The following PKD1L1 variants were observed in gnomAD, a reference collection of about 807,000 sequenced individuals.
The protein encoded by PKD1L1 is polycystin 1 like 1, transient receptor potential channel interacting, also known as polycystin-1-like protein 1.
In PKD1L1, 236 loss-of-function variants were observed where a neutral mutation model predicts 323.4. That is an observed-to-expected ratio of 0.73 (90% confidence interval 0.66 to 0.81). PKD1L1 has a LOEUF of 0.81. Ranked by LOEUF, PKD1L1 falls within the 40% of genes least tolerant of loss-of-function variation. The probability of loss-of-function intolerance (pLI) is 0.00; values close to 1 mark genes in which losing one functional copy is unlikely to be tolerated. For synonymous variants in PKD1L1, 1,344 were observed against 1,335.0 expected (o/e 1.01, Z -0.15); for missense variants, 3,320 against 3,508.0 (o/e 0.95, Z 1.35).
At chr7:47,884,538 C>A (rs1786638588) in intron 19 of PKD1L1, 60 bp downstream of exon 19, 7 of 1,467,666 alleles carry the variant, frequency 4.8e-6, no homozygotes, top group Non-Finnish European at 6.7e-6. Flanking sequence ...ATCCAGATTG[C>A]AGAAAGGCTG....
intron 45 of PKD1L1, among the ~76,000 whole-genome samples, chr7:47,822,610 A>AC (rs1462255471): frequency 6.6e-6 from 1 of 151,330 alleles, no homozygotes; most frequent in East Asian, 1.9e-4. Flanking sequence ...AAAAAAAAAA[A>AC]AAAAAAAAAC....
chr7:47,943,163 A>AAAAAT (rs1554417311), intron 2 of PKD1L1, among the ~76,000 whole-genome samples: 1 of 34,144 alleles, frequency 2.9e-5, no homozygotes, highest in Non-Finnish European at 5.7e-5. Context: ...AAAAAAAAAA[A>AAAAAT]ATATATATAT....
At chr7:47,792,930 C>T in intron 55 of PKD1L1, 133 bp from the exon 56 acceptor site, 2 of 818,734 alleles carry the variant, frequency 2.4e-6, no homozygotes, top group Non-Finnish European at 3.7e-6. Context: ...CTGACTCTGC[C>T]TGCAGTTAGA....
intron 36 of PKD1L1, among the ~76,000 whole-genome samples, chr7:47,837,477 T>G (rs533211212): frequency 6.6e-6 from 1 of 152,354 alleles, no homozygotes; most frequent in East Asian, 1.9e-4. Context: ...TGGCACATGC[T>G]TCTCCGAGCT....
At chr7:47,791,236 G>C (rs995292773) in intron 56 of PKD1L1, among the ~76,000 whole-genome samples, 2 of 151,918 alleles carry the variant, frequency 1.3e-5, no homozygotes, top group Non-Finnish European at 1.5e-5. Flanking sequence ...CATTCTTCCT[G>C]GTCTGATTTC....
chr7:47,954,689 C>A, the PKD1L1 span, among the ~76,000 whole-genome samples: 11 of 152,338 alleles, frequency 7.2e-5, 1 homozygote, highest in East Asian at 1.9e-4. Flanking sequence ...TAAATGCTCA[C>A]ATTTTACGCT....
intron 56 of PKD1L1, 117 bp downstream of exon 56, chr7:47,792,510 C>G: frequency 9.5e-7 from 1 of 1,051,678 alleles, no homozygotes; most frequent in Non-Finnish European, 1.4e-6. Flanking sequence ...AGTATGATAT[C>G]TAAAGAATAT....
At position 47,894,079 on chromosome 7, in the gene PKD1L1, C is replaced by G. The variant is rs985396579; in HGVS notation, c.2272-20G>C. 6.5e-7 allele frequency: 1 copy of G among 1,528,066 alleles called. No individual in the cohort carries two copies. Among genetic ancestry groups the G allele is most frequent in the African/African-American group, 1.4e-5 (1 of 72,088 alleles). The allele number at this position is 1,528,066 out of a possible 1,614,324, so 94.7% of individuals were successfully genotyped here. A position where few individuals can be genotyped will look rare whatever the true frequency, so the allele number is the denominator to read the frequency against. ...CTGAACCTGCAGGGGCAAGGAAGGA[C>G]AGGGGATGTCATGCAGGGACAAGGC... On this transcript the variant is annotated intron_variant, in intron 14 of 56. Coordinates refer to ENST00000289672, the MANE Select transcript of PKD1L1 (RefSeq NM_138295.5).
chr7:47,789,566 G>C (rs1258429676), intron 56 of PKD1L1, among the ~76,000 whole-genome samples: 1 of 152,130 alleles, frequency 6.6e-6, no homozygotes, highest in Non-Finnish European at 1.5e-5. Flanking sequence ...GTGTGTGTCT[G>C]TGTGTATATT....
In PKD1L1 at chr7:47,915,727, AG is replaced by A. The variant is rs1251128502; in HGVS notation, c.1061-129del. ...TAATGAAAATTTACCCAACCAATTA[AG>A]GAAGGAAAAAGAAATACAACGAAAT... On this transcript the variant is annotated intron_variant, in intron 7 of 56. Transcript: ENST00000289672. 5.3e-6 allele frequency: 3 copies of A among 568,802 alleles called. No homozygotes were observed. The East Asian group carries it at 9.1e-5, about 17-fold the overall frequency. 35.2% of individuals were successfully genotyped at this position (568,802 alleles called of 1,614,324 possible). A position where few individuals can be genotyped will look rare whatever the true frequency, so the allele number is the denominator to read the frequency against.
chr7:47,845,180 T>C, intron 32 of PKD1L1, 102 bp from the exon 33 acceptor site: 1 of 905,326 alleles, frequency 1.1e-6, no homozygotes. Flanking sequence ...GAAGAAAGAG[T>C]GCAATAATGA....
At chr7:47,845,859 G>A (rs1014746750) in intron 32 of PKD1L1, among the ~76,000 whole-genome samples, 1 of 152,190 alleles carries the variant, frequency 6.6e-6, no homozygotes, top group African/African-American at 2.4e-5. Context: ...GAGATTACAG[G>A]CATGAGCCAC....
chr7:47,824,256 G>T (rs1785200270), intron 45 of PKD1L1, among the ~76,000 whole-genome samples: 1 of 152,102 alleles, frequency 6.6e-6, no homozygotes, highest in Non-Finnish European at 1.5e-5. Flanking sequence ...AAACCCACAT[G>T]ATTCCATACC....
Position 47,894,009 on chromosome 7 carries a change from C to A in PKD1L1, c.2322G>T (p.Glu774Asp). 1.2e-6 allele frequency: 2 copies of A among 1,609,958 alleles called. No homozygotes were observed. Among genetic ancestry groups the A allele is most frequent in the Non-Finnish European group, 1.7e-6 (2 of 1,178,004 alleles). ...VVYSNYCVGL[E>D]VRAQAPVSVI... ...CACTGACAGGGGCCTGGGCTCGCAC[C>A]TCCAGGCCCACACAGTAGTTGCTGT... The change falls in exon 15 of 57, where the codon GAG becomes GAT. Residue 774 changes from glutamate (E) to aspartate (D), a missense_variant. Transcript: ENST00000289672.
intron 26 of PKD1L1, among the ~76,000 whole-genome samples, chr7:47,861,595 A>T (rs988653379): frequency 6.6e-6 from 1 of 152,126 alleles, no homozygotes; most frequent in African/African-American, 2.4e-5. Flanking sequence ...TACAAAGAAC[A>T]ATTGGGACTG....
chr7:47,865,647 G>A (rs993514664), intron 25 of PKD1L1, among the ~76,000 whole-genome samples: 5 of 148,672 alleles, frequency 3.4e-5, no homozygotes, highest in East Asian at 1.9e-4. Flanking sequence ...GTGCAGTGGC[G>A]CGATCTCAGC....
intron 26 of PKD1L1, among the ~76,000 whole-genome samples, chr7:47,860,248 G>A (rs774571756): frequency 1.3e-5 from 2 of 152,104 alleles, no homozygotes; most frequent in Non-Finnish European, 2.9e-5. Flanking sequence ...AAATGTCTAC[G>A]AGACAAAGTC....
intron 33 of PKD1L1, 55 bp from the exon 34 acceptor site, chr7:47,843,224 G>A: frequency 1.5e-6 from 2 of 1,377,946 alleles, no homozygotes; most frequent in African/African-American, 1.4e-5. Flanking sequence ...AGACATATAG[G>A]AAAAGACTGA....
chr7:47,842,655 C>T (rs1341028647), intron 34 of PKD1L1, among the ~76,000 whole-genome samples: 1 of 152,168 alleles, frequency 6.6e-6, no homozygotes. Flanking sequence ...CAGAAGAGTA[C>T]AACTCATTCT....
Sources: gnomAD v4.1 joint callset for allele counts (sites outside exome capture counted in the v4.1 genomes callset) on GRCh38, gnomAD v4.1.1 for gene constraint, MANE v1.5 for transcripts, NCBI Gene and HGNC (gene_info 2026-07-23, HGNC 2026-07-21) for gene names.